The following IFT80 variants were observed in gnomAD, a reference collection of about 807,000 sequenced individuals.
The protein encoded by IFT80 is intraflagellar transport 80.
IFT80 carries 79 observed loss-of-function variants against 107.9 expected under a neutral mutation model. The ratio of observed to expected loss-of-function variants is 0.73; its 90% CI spans 0.61 to 0.88. The LOEUF is 0.88. IFT80 is among the 40% of genes least tolerant of loss of function. The probability of loss-of-function intolerance (pLI) is 0.00; values close to 1 mark genes in which losing one functional copy is unlikely to be tolerated. For synonymous variants in IFT80, 299 were observed against 300.9 expected (o/e 0.99, Z 0.07); for missense variants, 797 against 914.2 (o/e 0.87, Z 1.65).
chr3:160,389,413 C>T (rs912238597), intron 1 of IFT80, among the ~76,000 whole-genome samples: 2 of 151,454 alleles, frequency 1.3e-5, no homozygotes, highest in Non-Finnish European at 2.9e-5. Context: ...ATGTGCCATG[C>T]TGGTGTGCTG....
intron 1 of IFT80, among the ~76,000 whole-genome samples, chr3:160,393,291 T>C (rs941828811): frequency 1.3e-5 from 2 of 152,198 alleles, no homozygotes; most frequent in East Asian, 1.9e-4. Flanking sequence ...AATTAGAAAT[T>C]TAAATGTTCA....
At chr3:160,345,462 G>A (rs920779750) in intron 8 of IFT80, among the ~76,000 whole-genome samples, 6 of 152,208 alleles carry the variant, frequency 3.9e-5, no homozygotes, top group Non-Finnish European at 7.4e-5. Flanking sequence ...CAAGGTGGGT[G>A]GATCGCTTAA....
chr3:160,265,198 G>A (rs1713209655), intron 19 of IFT80, among the ~76,000 whole-genome samples: 1 of 152,150 alleles, frequency 6.6e-6, no homozygotes, highest in South Asian at 2.1e-4. Flanking sequence ...GTCTACAGGA[G>A]GCACTCAATA....
intron 5 of IFT80, among the ~76,000 whole-genome samples, chr3:160,366,417 T>C (rs532411607): frequency 6.6e-6 from 1 of 152,190 alleles, no homozygotes; most frequent in East Asian, 1.9e-4. Flanking sequence ...ATGGAGTTTT[T>C]AGAAATTCCA....
At position 160,268,476 on chromosome 3, in the gene IFT80, T is replaced by C; in HGVS notation, c.2160A>G (p.Gln720=). 1 of 1,613,560 alleles carries C rather than the reference T, an allele frequency of 6.2e-7. No homozygotes were observed. The highest frequency in any genetic ancestry group is 8.5e-7 in the Non-Finnish European group (1 of 1,179,570). ...THVDTVLAYR[Q]KFLETFGKQE... ...GTTTACCAAATGTCTCCAAAAACTT[T>C]TGACGGTAAGCAAGAACTGTATCAA... Residue 720 remains glutamine (Q), a synonymous_variant, in exon 19 of 20, where the codon CAA becomes CAG. Coordinates refer to ENST00000326448, the MANE Select transcript of IFT80 (RefSeq NM_020800.3).
intron 11 of IFT80, among the ~76,000 whole-genome samples, chr3:160,302,558 T>C (rs918675632): frequency 6.6e-6 from 1 of 152,062 alleles, no homozygotes; most frequent in Non-Finnish European, 1.5e-5. Context: ...ATAAGACCAA[T>C]GATAGGCAGT....
At chr3:160,389,085 G>C (rs561281682) in intron 1 of IFT80, among the ~76,000 whole-genome samples, 5 of 152,160 alleles carry the variant, frequency 3.3e-5, no homozygotes, top group Admixed American at 6.6e-5. Context: ...ATTTGTTACA[G>C]CAATAATATG....
At chr3:160,300,783 T>A in intron 12 of IFT80, 100 bp downstream of exon 12, 3 of 886,540 alleles carry the variant, frequency 3.4e-6, no homozygotes. Flanking sequence ...TCTATAAAGC[T>A]GATGTACTGG....
intron 19 of IFT80, among the ~76,000 whole-genome samples, chr3:160,261,840 T>G (rs927717072): frequency 2.7e-5 from 4 of 145,590 alleles, no homozygotes; most frequent in Admixed American, 6.9e-5. Flanking sequence ...AGGAGATGAG[T>G]GAGACCCATG....
chr3:160,398,272 T>C (rs950883069), intron 1 of IFT80, among the ~76,000 whole-genome samples: 3 of 152,146 alleles, frequency 2.0e-5, no homozygotes, highest in Non-Finnish European at 4.4e-5. Context: ...TTTTTGAGAA[T>C]CACTGAACCT....
intron 1 of IFT80, among the ~76,000 whole-genome samples, chr3:160,391,237 C>A (rs1713359390): frequency 6.6e-6 from 1 of 152,206 alleles, no homozygotes; most frequent in African/African-American, 2.4e-5. Context: ...CCCAAGAACA[C>A]TCCTGGGCTA....
rs563110842 is a variant in IFT80 at position 160,297,603 on chromosome 3, C to T, written c.1315+3280G>A. ...AAATCACGTTGCAACATTTAGTTAT[C>T]TTCTAAGGTTGCCAATTATGAAAAA... On this transcript the variant is annotated intron_variant, in intron 12 of 19. Coordinates refer to ENST00000326448, the MANE Select transcript of IFT80 (RefSeq NM_020800.3). Among the ~76,000 whole-genome samples the T allele has an allele frequency of 5.3e-5, 8 of 152,024 alleles. No homozygotes were observed. In the East Asian group the frequency reaches 1.5e-3, roughly 29 times the overall value.
intron 14 of IFT80, 122 bp from the exon 15 acceptor site, chr3:160,280,936 T>C: frequency 1.2e-6 from 1 of 825,942 alleles, no homozygotes; most frequent in Non-Finnish European, 2.0e-6. Flanking sequence ...CTCTACTTTC[T>C]GATTCTATAA....
chr3:160,310,323 G>A (rs978921793), intron 9 of IFT80, among the ~76,000 whole-genome samples: 2 of 152,104 alleles, frequency 1.3e-5, no homozygotes, highest in Non-Finnish European at 2.9e-5. Context: ...TAACCACGAT[G>A]GGTTGAAACA....
chr3:160,370,152 T>C (rs941731769), intron 5 of IFT80, among the ~76,000 whole-genome samples: 2 of 152,168 alleles, frequency 1.3e-5, no homozygotes, highest in Non-Finnish European at 2.9e-5. Context: ...AACGCTGTTT[T>C]TGTATGTTTT....
intron 9 of IFT80, among the ~76,000 whole-genome samples, chr3:160,310,099 T>G (rs1057086674): frequency 1.3e-5 from 2 of 152,188 alleles, no homozygotes; most frequent in African/African-American, 4.8e-5. Flanking sequence ...ACACACGTTA[T>G]TTACAGATCT....
At chr3:160,297,670 C>A (rs1490599412) in intron 12 of IFT80, among the ~76,000 whole-genome samples, 1 of 151,902 alleles carries the variant, frequency 6.6e-6, no homozygotes, top group Non-Finnish European at 1.5e-5. Context: ...AGTAGGAAAA[C>A]AAAAATGTAA....
chr3:160,328,210 C>G (rs1718815147), intron 8 of IFT80, among the ~76,000 whole-genome samples: 1 of 151,930 alleles, frequency 6.6e-6, no homozygotes, highest in Non-Finnish European at 1.5e-5. Flanking sequence ...ACCTGTAATC[C>G]CAGCACTTCG....
chr3:160,302,781 T>C (rs952839649), intron 11 of IFT80, among the ~76,000 whole-genome samples: 1 of 152,118 alleles, frequency 6.6e-6, no homozygotes, highest in Non-Finnish European at 1.5e-5. Context: ...ACTAAATAAT[T>C]GATACATTTC....
Sources: allele counts gnomAD v4.1 joint callset (sites outside exome capture counted in the v4.1 genomes callset), GRCh38; gene constraint gnomAD v4.1.1; transcripts MANE v1.5; gene names NCBI Gene and HGNC (gene_info 2026-07-23, HGNC 2026-07-21).